The following EHBP1 variants were observed in gnomAD, a reference collection of about 807,000 sequenced individuals.
The protein encoded by EHBP1 is EH domain-binding protein 1.
Under a neutral mutation model 144.0 loss-of-function variants are expected in EHBP1, and 55 were observed. The ratio of observed to expected loss-of-function variants is 0.38; its 90% CI spans 0.31 to 0.48. The LOEUF (loss-of-function observed/expected upper bound fraction) is 0.48. Among genes scored for constraint, EHBP1 ranks in the 20% least tolerant of loss-of-function variants. The probability of loss-of-function intolerance (pLI) is 0.98; values close to 1 mark genes in which losing one functional copy is unlikely to be tolerated. For missense variants in EHBP1, 1,200 were observed against 1,364.2 expected (o/e 0.88, Z 1.90); for synonymous variants, 469 against 472.7 (o/e 0.99, Z 0.10).
chr2:62,862,330 C>T (rs1287718533), intron 8 of EHBP1, among the ~76,000 whole-genome samples: 2 of 152,140 alleles, frequency 1.3e-5, no homozygotes, highest in African/African-American at 2.4e-5. Context: ...AGTCATTGGC[C>T]GGGCATGGTG....
At chr2:62,689,341 A>G (rs953279672) in intron 1 of EHBP1, among the ~76,000 whole-genome samples, 12 of 152,222 alleles carry the variant, frequency 7.9e-5, no homozygotes, top group African/African-American at 1.4e-4. Flanking sequence ...AAAAATAGCT[A>G]TTACTGAAAT....
In EHBP1 at chr2:62,878,422, T is replaced by C. The variant is rs1441814016; in HGVS notation, c.1185+3890T>C. ...CTGATAACCAATCCTACTGAAACTTTCCAAAAAAAATAAGATGAGGGACTC... is the reference window on the plus strand; with the variant it reads ...CTGATAACCAATCCTACTGAAACTTCCCAAAAAAAATAAGATGAGGGACTC... On this transcript the variant is annotated intron_variant, in intron 10 of 22. Transcript: ENST00000431489. Among the ~76,000 whole-genome samples the C allele has an allele frequency of 4.6e-5, 7 of 151,874 alleles. No homozygotes were observed. The South Asian group carries it at 6.2e-4, about 14-fold the overall frequency.
chr2:62,835,538 C>T (rs993965904), intron 7 of EHBP1, among the ~76,000 whole-genome samples: 5 of 152,180 alleles, frequency 3.3e-5, no homozygotes, highest in African/African-American at 7.2e-5. Context: ...CCAGCGTGAG[C>T]GACGCAGAAG....
intron 10 of EHBP1, among the ~76,000 whole-genome samples, chr2:62,939,605 G>A (rs2056613575): frequency 6.6e-6 from 1 of 151,988 alleles, no homozygotes; most frequent in Non-Finnish European, 1.5e-5. Flanking sequence ...GGTGAGAATA[G>A]GCCTAATGGA....
At chr2:63,042,211 T>C (rs999247759) in intron 21 of EHBP1, among the ~76,000 whole-genome samples, 1 of 152,166 alleles carries the variant, frequency 6.6e-6, no homozygotes. Context: ...AACATGCGAA[T>C]GTGAATCTTG....
chr2:62,926,780 G>T (rs546916683), intron 10 of EHBP1, among the ~76,000 whole-genome samples: 3 of 152,180 alleles, frequency 2.0e-5, no homozygotes, highest in Admixed American at 1.3e-4. Flanking sequence ...AGAACACTAT[G>T]GAGGTCTCAC....
chr2:62,814,776 A>G (rs562782520), intron 5 of EHBP1, among the ~76,000 whole-genome samples: 8 of 152,356 alleles, frequency 5.3e-5, no homozygotes, highest in East Asian at 1.9e-4. Flanking sequence ...GAGAATTCCA[A>G]TAAAATAAAT....
intron 19 of EHBP1, among the ~76,000 whole-genome samples, chr2:62,998,686 C>A (rs2059736209): frequency 6.6e-6 from 1 of 152,148 alleles, no homozygotes; most frequent in Non-Finnish European, 1.5e-5. Context: ...CCCATTCCAA[C>A]CATAGATGCT....
At chr2:62,864,009 G>A (rs1355883604) in intron 8 of EHBP1, among the ~76,000 whole-genome samples, 1 of 151,554 alleles carries the variant, frequency 6.6e-6, no homozygotes, top group Non-Finnish European at 1.5e-5. Context: ...ACCCCACCCG[G>A]CTAGTTTTTG....
At chr2:62,788,871 A>G (rs868330453) in intron 5 of EHBP1, among the ~76,000 whole-genome samples, 2 of 152,224 alleles carry the variant, frequency 1.3e-5, no homozygotes, top group Non-Finnish European at 2.9e-5. Flanking sequence ...CAAATCTATG[A>G]AACGCCACTC....
At chr2:62,766,958 TA>T (rs774238457) in intron 4 of EHBP1, among the ~76,000 whole-genome samples, 4,647 of 105,818 alleles carry the variant, frequency 0.044, 242 homozygotes, top group African/African-American at 0.14. Context: ...TGTGCTTCAT[TA>T]AAAAAAAAAA....
At chr2:62,988,324 A>G (rs768971337) in intron 15 of EHBP1, among the ~76,000 whole-genome samples, 5 of 152,232 alleles carry the variant, frequency 3.3e-5, no homozygotes, top group South Asian at 4.1e-4. Context: ...TAGGTTTTCA[A>G]TAGCTGGTTC....
At chr2:62,879,077 A>G (rs747427272) in intron 10 of EHBP1, among the ~76,000 whole-genome samples, 2 of 151,984 alleles carry the variant, frequency 1.3e-5, no homozygotes, top group Non-Finnish European at 2.9e-5. Flanking sequence ...AAAGCTATCA[A>G]TAAAATTTAA....
chr2:63,003,155 A>G (rs1373184119), intron 19 of EHBP1, among the ~76,000 whole-genome samples: 1 of 152,078 alleles, frequency 6.6e-6, no homozygotes, highest in African/African-American at 2.4e-5. Context: ...CCATGTAGGT[A>G]TTATCAGATA....
intron 19 of EHBP1, among the ~76,000 whole-genome samples, chr2:63,030,667 A>G (rs1372327041): frequency 1.5e-5 from 2 of 137,870 alleles, no homozygotes; most frequent in Non-Finnish European, 3.1e-5. Context: ...TTTTTTTTGT[A>G]TTTTTAGTAG....
intron 7 of EHBP1, among the ~76,000 whole-genome samples, chr2:62,853,077 T>G (rs1217751811): frequency 6.6e-6 from 1 of 152,216 alleles, no homozygotes; most frequent in Non-Finnish European, 1.5e-5. Context: ...GTTGATAAGC[T>G]TATCAACTTT....
At chr2:62,707,438 A>G (rs1572901466) in intron 2 of EHBP1, 143 bp downstream of exon 2, 1 of 639,698 alleles carries the variant, frequency 1.6e-6, no homozygotes, top group Middle Eastern at 4.2e-4. Flanking sequence ...AACTCTAACA[A>G]GTACTGTGCT....
chr2:62,986,003 A>C (rs1324535788), intron 15 of EHBP1, among the ~76,000 whole-genome samples: 1 of 152,182 alleles, frequency 6.6e-6, no homozygotes, highest in Non-Finnish European at 1.5e-5. Flanking sequence ...TCTAGAATAA[A>C]TGAAAGAATA....
chr2:62,946,829 T>C (rs1359923561), intron 12 of EHBP1, among the ~76,000 whole-genome samples: 1 of 152,172 alleles, frequency 6.6e-6, no homozygotes, highest in Non-Finnish European at 1.5e-5. Flanking sequence ...TTTAGTGTAA[T>C]TAGTGTACAT....
Sources: allele counts gnomAD v4.1 joint callset (sites outside exome capture counted in the v4.1 genomes callset), GRCh38; gene constraint gnomAD v4.1.1; transcripts MANE v1.5; gene names NCBI Gene and HGNC (gene_info 2026-07-23, HGNC 2026-07-21).